Variants in SNX2 observed in about 807,000 individuals in gnomAD.
SNX2 encodes the protein sorting nexin-2.
Under a neutral mutation model 69.9 loss-of-function variants are expected in SNX2, and 25 were observed. That is an observed-to-expected ratio of 0.36 (90% CI 0.26 to 0.50). The LOEUF (loss-of-function observed/expected upper bound fraction) is 0.50. Among genes scored for constraint, SNX2 ranks in the 20% least tolerant of loss-of-function variants. The pLI is 0.97. For missense variants in SNX2, 551 were observed against 613.3 expected (o/e 0.90, Z 1.07); for synonymous variants, 229 against 200.4 (o/e 1.14, Z -1.20).
chr5:122,826,273 G>A (rs1754148494), intron 12 of SNX2, 80 bp downstream of exon 12: 2 of 943,614 alleles, frequency 2.1e-6, no homozygotes, highest in Admixed American at 2.9e-5. Context: ...ATAATTTTTT[G>A]TAAACCATTC....
chr5:122,803,066 A>G (rs1166952149), intron 5 of SNX2, among the ~76,000 whole-genome samples: 2 of 152,208 alleles, frequency 1.3e-5, no homozygotes, highest in African/African-American at 2.4e-5. Flanking sequence ...TAAACAATAC[A>G]GACAAGGGTG....
chr5:122,797,352 T>C (rs1753403611), intron 2 of SNX2, among the ~76,000 whole-genome samples: 1 of 152,232 alleles, frequency 6.6e-6, no homozygotes, highest in Non-Finnish European at 1.5e-5. Flanking sequence ...ACAATAAACA[T>C]AGTCATCTGT....
At position 122,775,139 on chromosome 5, in the gene SNX2, C is replaced by G. The variant is rs1752825991; in HGVS notation, c.36C>G (p.Asp12Glu). 5 of 1,595,744 alleles carry G rather than the reference C, an allele frequency of 3.1e-6. No individual in the cohort carries two copies. The highest frequency in any genetic ancestry group is 4.3e-6 in the Non-Finnish European group (5 of 1,172,856). Residue 12 changes from aspartate to glutamate, a missense_variant, in exon 1 of 15, where the codon GAC (aspartate) becomes GAG (glutamate). Transcript: ENST00000379516. ...AGAGGGAACCTCCTCCGCTGGGGGA[C>G]GGGAAGCCCACCGACTTTGAGGATC... ...AAEREPPPLG[D>E]GKPTDFEDLE...
chr5:122,818,024 C>T (rs1258701426), intron 10 of SNX2, among the ~76,000 whole-genome samples: 1 of 151,838 alleles, frequency 6.6e-6, no homozygotes, highest in African/African-American at 2.4e-5. Flanking sequence ...GTAACATTAC[C>T]AGCAATACAT....
chr5:122,808,144 G>T, intron 6 of SNX2, 133 bp from the exon 7 acceptor site: 1 of 531,788 alleles, frequency 1.9e-6, no homozygotes, highest in Middle Eastern at 3.2e-4. Flanking sequence ...TTGCTTTTTA[G>T]ATAAGATACC....
intron 11 of SNX2, among the ~76,000 whole-genome samples, chr5:122,823,762 G>A (rs1207015077): frequency 6.9e-6 from 1 of 145,118 alleles, no homozygotes. Context: ...ATTGTCTTAA[G>A]CTTTCCAACA....
intron 2 of SNX2, among the ~76,000 whole-genome samples, chr5:122,796,924 G>GA (rs943827739): frequency 6.6e-6 from 1 of 151,660 alleles, no homozygotes; most frequent in Non-Finnish European, 1.5e-5. Flanking sequence ...AGCTTGGTTA[G>GA]AAAAAAAATT....
At chr5:122,799,603 A>T (rs1370297674) in intron 2 of SNX2, 89 bp from the exon 3 acceptor site, 2 of 787,078 alleles carry the variant, frequency 2.5e-6, no homozygotes, top group African/African-American at 3.6e-5. Context: ...GTAATATAAA[A>T]ATATTTTTTA....
chr5:122,803,483 C>G lies in SNX2; in HGVS notation c.513C>G (p.Ser171=). Reference sequence around the variant, plus strand: ...TTCTTCACTTGTAGACATCTCTTTCCATGTTCAGTAAGAGTGAATTTTCAG... The same window carrying G: ...TTCTTCACTTGTAGACATCTCTTTCGATGTTCAGTAAGAGTGAATTTTCAG... ...AYRVTTKTSL[S]MFSKSEFSVK... is the part of the protein sequence containing the mutation. The change falls in exon 6 of 15, where the codon TCC becomes TCG. Residue 171 remains serine, a synonymous_variant. Coordinates refer to ENST00000379516, the MANE Select transcript of SNX2 (RefSeq NM_003100.4). 1 of 1,608,162 alleles carries G rather than the reference C, an allele frequency of 6.2e-7. No individual in the cohort carries two copies. The highest frequency in any genetic ancestry group is 8.5e-7 in the Non-Finnish European group (1 of 1,178,508).
At chr5:122,788,517 G>T (rs566749541) in intron 1 of SNX2, among the ~76,000 whole-genome samples, 3 of 152,240 alleles carry the variant, frequency 2.0e-5, no homozygotes, top group African/African-American at 4.8e-5. Flanking sequence ...TTGTCCCATA[G>T]GTCCTTGAGG....
intron 6 of SNX2, among the ~76,000 whole-genome samples, chr5:122,806,860 A>G (rs1753670091): frequency 6.6e-6 from 1 of 152,180 alleles, no homozygotes; most frequent in African/African-American, 2.4e-5. Flanking sequence ...ATAAAACATT[A>G]ATAGGTGATT....
chr5:122,801,270 A>G (rs1347524250), intron 3 of SNX2, among the ~76,000 whole-genome samples: 2 of 152,318 alleles, frequency 1.3e-5, no homozygotes, highest in East Asian at 3.9e-4. Flanking sequence ...CAATATTTGT[A>G]CAAAAAGACG....
intron 3 of SNX2, among the ~76,000 whole-genome samples, chr5:122,801,184 G>A (rs1289475736): frequency 6.6e-6 from 1 of 152,070 alleles, no homozygotes; most frequent in Non-Finnish European, 1.5e-5. Flanking sequence ...AAAAATGCTA[G>A]TATTAAAATT....
rs910618405 is a variant in SNX2, at chr5:122,833,769, T to C, written c.*4121T>C. On this transcript the variant is annotated 3_prime_UTR_variant, in exon 15 of 15. Coordinates refer to ENST00000379516, the MANE Select transcript of SNX2 (RefSeq NM_003100.4). ...CATTGTACACATGAAATGAGTTTAC[T>C]GTGGAAATGAAAATGCAGAGTAAGT... 2 of 152,200 alleles carry C rather than the reference T, an allele frequency of 1.3e-5. No individual in the cohort carries two copies. The highest frequency in any genetic ancestry group is 2.9e-5 in the Non-Finnish European group (2 of 68,020). The allele number at this position is 152,200 out of a possible 1,614,324, so 9.4% of individuals were successfully genotyped here.
At chr5:122,785,227 T>C (rs1472859630) in intron 1 of SNX2, among the ~76,000 whole-genome samples, 1 of 152,028 alleles carries the variant, frequency 6.6e-6, no homozygotes, top group Non-Finnish European at 1.5e-5. Flanking sequence ...ATTTCTGCTC[T>C]GTTTTCTTTC....
At chr5:122,810,912 T>A (rs1032498119) in intron 7 of SNX2, among the ~76,000 whole-genome samples, 18 of 152,242 alleles carry the variant, frequency 1.2e-4, no homozygotes, top group Admixed American at 3.3e-4. Flanking sequence ...AATCTAATCT[T>A]AATTCTTCTG....
intron 1 of SNX2, among the ~76,000 whole-genome samples, chr5:122,777,038 AT>A (rs891843894): frequency 3.1e-4 from 46 of 150,186 alleles, no homozygotes; most frequent in African/African-American, 1.0e-3. Flanking sequence ...GTAAAGTCAG[AT>A]TTTTTTTTTC....
At chr5:122,776,602 C>A (rs1177148514) in intron 1 of SNX2, among the ~76,000 whole-genome samples, 1 of 152,068 alleles carries the variant, frequency 6.6e-6, no homozygotes, top group African/African-American at 2.4e-5. Context: ...GATTAGTATC[C>A]TTTTAGCCCT....
chr5:122,829,683 G>A lies in SNX2; in HGVS notation c.*35G>A. 3.2e-6 allele frequency: 5 copies of A among 1,565,160 alleles called. No individual in the cohort carries two copies. The highest frequency in any genetic ancestry group is 4.4e-6 in the Non-Finnish European group (5 of 1,135,812). The stretch of plus-strand genomic sequence containing the variant: ...TGTTGCCGTTAAGAAGACCTTGGAT[G>A]TTGTTCCAGTTATGCTGGATTCCAC... On this transcript the variant is annotated 3_prime_UTR_variant, in exon 15 of 15. Coordinates refer to ENST00000379516, the MANE Select transcript of SNX2 (RefSeq NM_003100.4).
Sources: gnomAD v4.1 joint callset for allele counts (sites outside exome capture counted in the v4.1 genomes callset) on GRCh38, gnomAD v4.1.1 for gene constraint, MANE v1.5 for transcripts, NCBI Gene and HGNC (gene_info 2026-07-23, HGNC 2026-07-21) for gene names.